HDAC9: variants seen among roughly 807,000 people sequenced by gnomAD.
HDAC9 encodes the protein MEF-2 interacting transcription repressor (MITR) protein.
Under a neutral mutation model 139.4 loss-of-function variants are expected in HDAC9, and 41 were observed. The observed-to-expected ratio is 0.29, with a 90% confidence interval of 0.23 to 0.38. The LOEUF (loss-of-function observed/expected upper bound fraction) is 0.38, where lower values mean the gene tolerates loss of function less well. Ranked by LOEUF, HDAC9 falls within the 10% of genes least tolerant of loss-of-function variation. HDAC9 has a pLI of 1.00. For missense variants in HDAC9, 1,147 were observed against 1,297.0 expected (o/e 0.88, Z 1.78); for synonymous variants, 517 against 476.2 (o/e 1.09, Z -1.12).
At chr7:18,271,312 A>G (rs1213582793) in intron 2 of HDAC9, among the ~76,000 whole-genome samples, 1 of 152,124 alleles carries the variant, frequency 6.6e-6, no homozygotes, top group Non-Finnish European at 1.5e-5. Flanking sequence ...TATTGAAGTG[A>G]GATTGTACCG....
At chr7:18,760,149 CTTA>C (rs1170346411) in intron 14 of HDAC9, among the ~76,000 whole-genome samples, 1 of 152,096 alleles carries the variant, frequency 6.6e-6, no homozygotes, top group East Asian at 1.9e-4. Context: ...TCGAAGCCCT[CTTA>C]TTTCATAGTG....
chr7:18,288,900 C>T (rs965154921), upstream of HDAC9, among the ~76,000 whole-genome samples: 4 of 152,056 alleles, frequency 2.6e-5, no homozygotes, highest in East Asian at 1.9e-4. Context: ...TGGATGAAGC[C>T]GAGGAGGTGC....
intron 17 of HDAC9, among the ~76,000 whole-genome samples, chr7:18,798,216 A>T (rs763743946): frequency 6.6e-6 from 1 of 152,174 alleles, no homozygotes; most frequent in Non-Finnish European, 1.5e-5. Flanking sequence ...GCCAAGTGGA[A>T]TTCCAAAGTC....
chr7:18,776,319 G>A (rs1790765908), intron 16 of HDAC9, among the ~76,000 whole-genome samples: 2 of 151,998 alleles, frequency 1.3e-5, no homozygotes, highest in South Asian at 4.1e-4. Flanking sequence ...TGTGGAAGAA[G>A]TTCAAAGACC....
chr7:18,310,004 C>G (rs1799194235), intron 1 of HDAC9, among the ~76,000 whole-genome samples: 1 of 152,122 alleles, frequency 6.6e-6, no homozygotes, highest in Non-Finnish European at 1.5e-5. Flanking sequence ...AAATTCTAGG[C>G]TTTCTGGTTC....
intron 22 of HDAC9, among the ~76,000 whole-genome samples, chr7:18,893,687 A>G (rs1320531533): frequency 6.6e-6 from 1 of 152,226 alleles, no homozygotes; most frequent in African/African-American, 2.4e-5. Flanking sequence ...TTAAAGCCTA[A>G]GCAAAATAAG....
chr7:18,818,159 C>G (rs1794705693), intron 17 of HDAC9, among the ~76,000 whole-genome samples: 1 of 152,164 alleles, frequency 6.6e-6, no homozygotes, highest in Non-Finnish European at 1.5e-5. Flanking sequence ...ACTGTGCTTG[C>G]TTTTGATAAA....
intron 22 of HDAC9, among the ~76,000 whole-genome samples, chr7:18,882,849 G>T (rs1563019143): frequency 6.6e-6 from 1 of 152,048 alleles, no homozygotes; most frequent in Admixed American, 6.6e-5. Context: ...TTTTTTGAAG[G>T]TGTTTCAGAC....
intron 2 of HDAC9, among the ~76,000 whole-genome samples, chr7:18,257,695 G>T (rs1052368360): frequency 5.9e-5 from 9 of 152,216 alleles, no homozygotes; most frequent in African/African-American, 2.2e-4. Context: ...TTTTCTGTAG[G>T]TTCTCTGAGA....
At chr7:18,926,516 G>A (rs1282674862) in intron 22 of HDAC9, among the ~76,000 whole-genome samples, 3 of 152,124 alleles carry the variant, frequency 2.0e-5, no homozygotes, top group Admixed American at 2.0e-4. Context: ...GGTTCAAATA[G>A]AGTTTATAAT....
intron 12 of HDAC9, among the ~76,000 whole-genome samples, chr7:18,723,079 C>T (rs761618418): frequency 5.3e-5 from 8 of 152,024 alleles, no homozygotes; most frequent in Admixed American, 6.6e-5. Context: ...TTTAGGATTT[C>T]GTCCCTTGGT....
At chr7:18,945,072 G>T (rs1470558406) in intron 23 of HDAC9, among the ~76,000 whole-genome samples, 1 of 152,170 alleles carries the variant, frequency 6.6e-6, no homozygotes, top group Non-Finnish European at 1.5e-5. Flanking sequence ...TCTACAAGTG[G>T]TATTGCTGAA....
chr7:18,855,971 G>T (rs1263820424), intron 21 of HDAC9, among the ~76,000 whole-genome samples: 1 of 152,110 alleles, frequency 6.6e-6, no homozygotes, highest in Non-Finnish European at 1.5e-5. Context: ...CCTTGACTCT[G>T]CACTGGGATA....
At chr7:18,795,299 A>G (rs887597105) in intron 17 of HDAC9, among the ~76,000 whole-genome samples, 2 of 151,374 alleles carry the variant, frequency 1.3e-5, no homozygotes, top group East Asian at 1.9e-4. Flanking sequence ...AAGCCAGCCT[A>G]AGAATCAAGA....
chr7:18,197,724 A>G (rs1365721146), intron 2 of HDAC9, among the ~76,000 whole-genome samples: 1 of 152,190 alleles, frequency 6.6e-6, no homozygotes, highest in African/African-American at 2.4e-5. Context: ...TGTAAGCTCC[A>G]TGAGGCCAAC....
intron 17 of HDAC9, among the ~76,000 whole-genome samples, chr7:18,804,754 C>A (rs1014769595): frequency 3.9e-5 from 6 of 152,142 alleles, no homozygotes; most frequent in African/African-American, 1.4e-4. Context: ...GTTCACATTA[C>A]AAAAGACTAG....
At chr7:18,418,812 G>A (rs1015971519) in intron 1 of HDAC9, among the ~76,000 whole-genome samples, 1 of 151,934 alleles carries the variant, frequency 6.6e-6, no homozygotes, top group African/African-American at 2.4e-5. Context: ...AGTACAAGAG[G>A]GGGTGCATGC....
At chr7:18,207,071 G>A (rs1008312374) in intron 2 of HDAC9, among the ~76,000 whole-genome samples, 3 of 151,740 alleles carry the variant, frequency 2.0e-5, no homozygotes, top group Admixed American at 1.3e-4. Flanking sequence ...AAGTAGCTTG[G>A]GAATTGTTTT....
chr7:18,900,605 C>A (rs57527340), intron 22 of HDAC9, among the ~76,000 whole-genome samples: 1 of 152,130 alleles, frequency 6.6e-6, no homozygotes, highest in Admixed American at 6.6e-5. Context: ...ATAGTCCGGA[C>A]AAGATCCCAT....
Sources: allele counts gnomAD v4.1 joint callset (sites outside exome capture counted in the v4.1 genomes callset), GRCh38; gene constraint gnomAD v4.1.1; transcripts MANE v1.5; gene names NCBI Gene and HGNC (gene_info 2026-07-23, HGNC 2026-07-21).